ADARB2: variants seen among roughly 807,000 people sequenced by gnomAD.
ADARB2 encodes adenosine deaminase RNA specific B2 (inactive).
In ADARB2, 25 loss-of-function variants were observed where a neutral mutation model predicts 62.2. The ratio of observed to expected loss-of-function variants is 0.40; its 90% CI spans 0.29 to 0.56. The LOEUF (loss-of-function observed/expected upper bound fraction) is 0.56, where lower values mean the gene tolerates loss of function less well. Among genes scored for constraint, ADARB2 ranks in the 20% least tolerant of loss-of-function variants. The probability of loss-of-function intolerance (pLI) is 0.43; values close to 1 mark genes in which losing one functional copy is unlikely to be tolerated. For synonymous variants in ADARB2, 572 were observed against 500.8 expected, an observed-to-expected ratio of 1.14 and a Z score of -1.90; for missense variants, 1,071 against 1,077.4, an observed-to-expected ratio of 0.99 and a Z score of 0.08.
intron 1 of ADARB2, among the ~76,000 whole-genome samples, chr10:1,435,991 G>C (rs1471322221): frequency 6.6e-6 from 1 of 152,202 alleles, no homozygotes; most frequent in Non-Finnish European, 1.5e-5. Context: ...CTAAACAAAC[G>C]TTAGCTGAGT....
chr10:1,298,425 A>C (rs3849975), intron 3 of ADARB2, among the ~76,000 whole-genome samples: 67,089 of 151,916 alleles, frequency 0.44, 16,451 homozygotes, highest in South Asian at 0.7. Flanking sequence ...GATGTTGTCT[A>C]TTGAAAGTGA....
At chr10:1,472,398 C>A (rs1236550091) in intron 1 of ADARB2, among the ~76,000 whole-genome samples, 1 of 151,364 alleles carries the variant, frequency 6.6e-6, no homozygotes, top group Admixed American at 6.6e-5. Context: ...CAGGGGTCAG[C>A]CAGGTGTGAG....
At chr10:1,340,885 G>T (rs969287898) in intron 3 of ADARB2, among the ~76,000 whole-genome samples, 2 of 147,012 alleles carry the variant, frequency 1.4e-5, no homozygotes, top group East Asian at 4.2e-4. Flanking sequence ...AGAACCACGC[G>T]CCCCACAGCG....
intron 1 of ADARB2, among the ~76,000 whole-genome samples, chr10:1,632,515 C>T (rs953309872): frequency 4.6e-5 from 7 of 152,266 alleles, no homozygotes; most frequent in Admixed American, 6.5e-5. Context: ...TGACCATGCA[C>T]CTGCCCATGT....
intron 1 of ADARB2, among the ~76,000 whole-genome samples, chr10:1,591,722 G>A (rs914453762): frequency 1.3e-5 from 2 of 152,180 alleles, no homozygotes; most frequent in African/African-American, 4.8e-5. Flanking sequence ...CGTCTTGTTG[G>A]ACGAGGTGGC....
At chr10:1,500,129 A>G (rs979628020) in intron 1 of ADARB2, among the ~76,000 whole-genome samples, 1 of 152,182 alleles carries the variant, frequency 6.6e-6, no homozygotes, top group African/African-American at 2.4e-5. Flanking sequence ...GAAGAGTTGG[A>G]GTTGTTTGTC....
intron 4 of ADARB2, among the ~76,000 whole-genome samples, chr10:1,254,790 G>T (rs908919019): frequency 6.6e-6 from 1 of 152,212 alleles, no homozygotes; most frequent in Non-Finnish European, 1.5e-5. Flanking sequence ...TTTCTCTTGA[G>T]CGTTGCACAC....
At chr10:1,263,526 C>G (rs1184255123) in intron 4 of ADARB2, among the ~76,000 whole-genome samples, 1 of 152,112 alleles carries the variant, frequency 6.6e-6, no homozygotes, top group East Asian at 1.9e-4. Flanking sequence ...CCTGGTGAAG[C>G]CTTTTGGACA....
chr10:1,683,391 C>T (rs1834562926), intron 1 of ADARB2, among the ~76,000 whole-genome samples: 2 of 152,216 alleles, frequency 1.3e-5, no homozygotes, highest in East Asian at 1.9e-4. Context: ...AACAAACTCA[C>T]ATGAAAAACT....
intron 1 of ADARB2, among the ~76,000 whole-genome samples, chr10:1,482,069 A>G (rs568029672): frequency 1.3e-5 from 2 of 152,310 alleles, no homozygotes; most frequent in South Asian, 4.1e-4. Flanking sequence ...GAGGATGGCT[A>G]TTACTAAAAC....
intron 3 of ADARB2, among the ~76,000 whole-genome samples, chr10:1,362,660 C>T (rs1027314476): frequency 6.6e-6 from 1 of 152,174 alleles, no homozygotes; most frequent in Non-Finnish European, 1.5e-5. Flanking sequence ...AGGGCGCCTC[C>T]CTGGTGGAAA....
chr10:1,392,516 C>T (rs1271729862), intron 1 of ADARB2, among the ~76,000 whole-genome samples: 7 of 151,876 alleles, frequency 4.6e-5, no homozygotes, highest in Non-Finnish European at 1.5e-5. Context: ...GTGGAATGCC[C>T]TGAGAAGCAA....
chr10:1,652,555 C>T (rs11814112), intron 1 of ADARB2, among the ~76,000 whole-genome samples: 23,967 of 152,076 alleles, frequency 0.16, 2,877 homozygotes, highest in African/African-American at 0.33. Context: ...CTAATTTGTG[C>T]GGTGTGCAAA....
chr10:1,370,743 A>C (rs978716372), intron 2 of ADARB2, among the ~76,000 whole-genome samples: 1 of 152,252 alleles, frequency 6.6e-6, no homozygotes, highest in Non-Finnish European at 1.5e-5. Context: ...GAATACATTT[A>C]ACCAAGGAGA....
chr10:1,725,535 G>A (rs1228884512), intron 1 of ADARB2, among the ~76,000 whole-genome samples: 1 of 152,128 alleles, frequency 6.6e-6, no homozygotes, highest in Non-Finnish European at 1.5e-5. Context: ...GCGCCGGGAA[G>A]AGACGTCCAG....
At chr10:1,194,957 G>A (rs2131739125) in intron 8 of ADARB2, among the ~76,000 whole-genome samples, 1 of 152,264 alleles carries the variant, frequency 6.6e-6, no homozygotes, top group East Asian at 1.9e-4. Context: ...ATTTTTTGTA[G>A]AGTTATTTTG....
intron 1 of ADARB2, among the ~76,000 whole-genome samples, chr10:1,572,370 C>A (rs1832953746): frequency 6.6e-6 from 1 of 152,140 alleles, no homozygotes; most frequent in Non-Finnish European, 1.5e-5. Flanking sequence ...GCCAGGCAGG[C>A]ATCAGGCAGC....
At chr10:1,505,389 T>TG (rs1336141230) in intron 1 of ADARB2, among the ~76,000 whole-genome samples, 1 of 151,946 alleles carries the variant, frequency 6.6e-6, no homozygotes, top group Non-Finnish European at 1.5e-5. Flanking sequence ...TTTGTTTTTT[T>TG]TTTTTTTGCA....
chr10:1,288,026 C>T (rs1008082256), intron 3 of ADARB2, among the ~76,000 whole-genome samples: 4 of 152,232 alleles, frequency 2.6e-5, no homozygotes, highest in African/African-American at 9.6e-5. Context: ...GGGCCCCCAC[C>T]CCAAAGCACG....
Sources: allele counts gnomAD v4.1 joint callset (sites outside exome capture counted in the v4.1 genomes callset), GRCh38; gene constraint gnomAD v4.1.1; transcripts MANE v1.5; gene names NCBI Gene and HGNC (gene_info 2026-07-23, HGNC 2026-07-21).